The following CCNY variants were observed in gnomAD, a reference collection of about 807,000 sequenced individuals.
CCNY encodes the protein cyclin Y, also known as cyclin-Y.
CCNY carries 19 observed loss-of-function variants against 42.8 expected under a neutral mutation model. That is an observed-to-expected ratio of 0.44 (90% CI 0.31 to 0.65). CCNY has a LOEUF of 0.65. CCNY is among the 30% of genes least tolerant of loss of function. The pLI is 0.07. For synonymous variants in CCNY, 165 were observed against 162.7 expected, an observed-to-expected ratio of 1.01 and a Z score of -0.11; for missense variants, 370 against 437.3, an observed-to-expected ratio of 0.85 and a Z score of 1.37.
chr10:35,322,719 A>G (rs1454092695), intron 3 of CCNY, among the ~76,000 whole-genome samples: 1 of 152,232 alleles, frequency 6.6e-6, no homozygotes. Context: ...TTAGTATCCA[A>G]CATGCACACA....
intron 3 of CCNY, among the ~76,000 whole-genome samples, chr10:35,307,760 ATGTGTGTGTGTGTGTGTGTGTGTG>A (rs60407989): frequency 2.6e-5 from 3 of 116,148 alleles, no homozygotes; most frequent in Non-Finnish European, 5.1e-5. Context: ...ATGTGTATAT[ATGTGTGTGTGTGTGTGTGTGTGTG>A]TGTGTGTGTG....
chr10:35,552,640 G>T (rs561225549), intron 7 of CCNY, among the ~76,000 whole-genome samples: 1 of 152,092 alleles, frequency 6.6e-6, no homozygotes, highest in Admixed American at 6.5e-5. Flanking sequence ...AAAACAAAAA[G>T]CTTAATTTAA....
At chr10:35,274,208 C>T (rs1463342517) in intron 3 of CCNY, among the ~76,000 whole-genome samples, 1 of 152,104 alleles carries the variant, frequency 6.6e-6, no homozygotes, top group Non-Finnish European at 1.5e-5. Flanking sequence ...TAATGAGAAC[C>T]AAGTGAAAGG....
At chr10:35,251,392 A>T (rs16935945) in intron 3 of CCNY, among the ~76,000 whole-genome samples, 1 of 151,930 alleles carries the variant, frequency 6.6e-6, no homozygotes, top group African/African-American at 2.4e-5. Flanking sequence ...TTGGCAGCAC[A>T]GATGAGACAG....
chr10:35,364,816 A>G (rs1178178480), intron 1 of CCNY, among the ~76,000 whole-genome samples: 3 of 152,128 alleles, frequency 2.0e-5, no homozygotes, highest in Non-Finnish European at 4.4e-5. Flanking sequence ...TTACAAACCA[A>G]AGTCTTCACC....
At chr10:35,563,019 A>G (rs946475777) in intron 8 of CCNY, among the ~76,000 whole-genome samples, 1 of 151,796 alleles carries the variant, frequency 6.6e-6, no homozygotes, top group Non-Finnish European at 1.5e-5. Flanking sequence ...AACGTTTTAC[A>G]CCAAAACTGT....
At chr10:35,473,217 A>C (rs771842951) in intron 1 of CCNY, among the ~76,000 whole-genome samples, 1 of 152,192 alleles carries the variant, frequency 6.6e-6, no homozygotes, top group South Asian at 2.1e-4. Flanking sequence ...CAGGCCGTAC[A>C]TGTCTCTGTC....
intron 1 of CCNY, among the ~76,000 whole-genome samples, chr10:35,415,219 T>C (rs943574997): frequency 3.3e-5 from 5 of 151,990 alleles, no homozygotes; most frequent in African/African-American, 1.2e-4. Context: ...TCAGAGGAGA[T>C]GGAGCCCAGT....
chr10:35,549,519 T>C (rs1457405228), intron 7 of CCNY, among the ~76,000 whole-genome samples: 3 of 149,538 alleles, frequency 2.0e-5, no homozygotes, highest in Non-Finnish European at 3.0e-5. Flanking sequence ...CTCGTGACCC[T>C]GCGCTGCTCA....
intron 3 of CCNY, among the ~76,000 whole-genome samples, chr10:35,254,847 A>G (rs1451916925): frequency 6.9e-6 from 1 of 145,228 alleles, no homozygotes; most frequent in East Asian, 2.0e-4. Context: ...AAAAAAAAAA[A>G]AAAGGAAAGA....
chr10:35,343,578 C>T (rs1159576269), intron 1 of CCNY, among the ~76,000 whole-genome samples: 10 of 151,026 alleles, frequency 6.6e-5, no homozygotes, highest in Admixed American at 2.6e-4. Flanking sequence ...TTAGTAGAGA[C>T]GGGGTTTTGC....
At chr10:35,444,620 C>T (rs978241274) in intron 1 of CCNY, among the ~76,000 whole-genome samples, 3 of 152,174 alleles carry the variant, frequency 2.0e-5, no homozygotes, top group African/African-American at 7.2e-5. Context: ...TGATGTGTTG[C>T]ACTACATTAT....
At position 35,457,725 on chromosome 10, in the gene CCNY, C is replaced by T. The variant is rs1056447357; in HGVS notation, c.155-25679C>T. On this transcript the variant is annotated intron_variant, in intron 1 of 9. Coordinates refer to ENST00000374704, the MANE Select transcript of CCNY (RefSeq NM_145012.6). The stretch of plus-strand genomic sequence containing the variant: ...CTCCCCGAGTAGCTGGGACTACAGG[C>T]GCCTGCCACCACACCCGGCTAATTT... 3.0e-4 allele frequency among the ~76,000 whole-genome samples: 46 copies of T among 152,180 alleles called. No homozygotes were observed. In the East Asian group the frequency reaches 4.5e-3, roughly 15 times the overall value.
At chr10:35,500,512 C>T (rs1400041593) in intron 2 of CCNY, among the ~76,000 whole-genome samples, 1 of 152,166 alleles carries the variant, frequency 6.6e-6, no homozygotes, top group Non-Finnish European at 1.5e-5. Flanking sequence ...AGGAGAAAAC[C>T]TTCTTCTATC....
chr10:35,395,278 G>T (rs1837499208), intron 1 of CCNY, among the ~76,000 whole-genome samples: 1 of 152,174 alleles, frequency 6.6e-6, no homozygotes, highest in Non-Finnish European at 1.5e-5. Context: ...GCCAGAGCTG[G>T]GTAGTAGTTA....
intron 1 of CCNY, among the ~76,000 whole-genome samples, chr10:35,461,925 G>GT (rs372666392): frequency 8.2e-4 from 124 of 150,526 alleles, no homozygotes; most frequent in Admixed American, 3.4e-3. Context: ...TGGATTTTCT[G>GT]TTTTTTTTTC....
At chr10:35,420,713 CTT>C (rs1041964621) in intron 1 of CCNY, among the ~76,000 whole-genome samples, 1 of 152,110 alleles carries the variant, frequency 6.6e-6, no homozygotes, top group African/African-American at 2.4e-5. Context: ...ATGAAGTAAA[CTT>C]TTTTAAAGCA....
intron 3 of CCNY, among the ~76,000 whole-genome samples, chr10:35,255,270 T>A (rs1294241057): frequency 6.6e-6 from 1 of 152,132 alleles, no homozygotes; most frequent in Non-Finnish European, 1.5e-5. Flanking sequence ...TCTATTAGTT[T>A]GTGCTTTACA....
intron 1 of CCNY, among the ~76,000 whole-genome samples, chr10:35,352,905 T>A (rs1045131497): frequency 6.6e-6 from 1 of 152,180 alleles, no homozygotes; most frequent in African/African-American, 2.4e-5. Flanking sequence ...CAGGCTGGAC[T>A]GGGCATATGT....
Sources: gnomAD v4.1 joint callset for allele counts (sites outside exome capture counted in the v4.1 genomes callset) on GRCh38, gnomAD v4.1.1 for gene constraint, MANE v1.5 for transcripts, NCBI Gene and HGNC (gene_info 2026-07-23, HGNC 2026-07-21) for gene names.